Variants in KEL observed in about 807,000 individuals in gnomAD.
KEL encodes kell blood group glycoprotein.
A neutral mutation model predicts 99.5 loss-of-function variants in KEL; 96 were observed. The ratio of observed to expected loss-of-function variants is 0.97; its 90% CI spans 0.82 to 1.14. KEL has a LOEUF of 1.14. Among genes scored for constraint, KEL ranks in the 50% most tolerant of loss-of-function variants. The probability of loss-of-function intolerance (pLI) is 0.00; values close to 1 mark genes in which losing one functional copy is unlikely to be tolerated. For missense variants in KEL, 926 were observed against 924.2 expected (o/e 1.00, Z -0.03); for synonymous variants, 355 against 354.8 (o/e 1.00, Z -0.01).
intron 8 of KEL, 80 bp from the exon 9 acceptor site, chr7:142,954,036 A>G: frequency 6.4e-7 from 1 of 1,570,190 alleles, no homozygotes; most frequent in Non-Finnish European, 8.7e-7. Flanking sequence ...GTGTGAGAAA[A>G]AGAAGAGAAC....
At chr7:142,952,660 A>C (rs758069286) in intron 9 of KEL, 22 bp from the exon 10 acceptor site, 8 of 1,613,588 alleles carry the variant, frequency 5.0e-6, no homozygotes, top group African/African-American at 4.0e-5. Flanking sequence ...AAAGAGACCC[A>C]CACATATACC....
At chr7:142,955,242 A>G (rs1034842049) in intron 6 of KEL, among the ~76,000 whole-genome samples, 3 of 152,234 alleles carry the variant, frequency 2.0e-5, no homozygotes, top group African/African-American at 7.2e-5. Flanking sequence ...CCAAAAATGT[A>G]TGATAAATAA....
intron 10 of KEL, among the ~76,000 whole-genome samples, chr7:142,947,450 G>A (rs929218474): frequency 5.3e-5 from 8 of 152,136 alleles, no homozygotes; most frequent in East Asian, 3.9e-4. Flanking sequence ...AAAAACTCCC[G>A]AACCCACCAG....
intron 6 of KEL, among the ~76,000 whole-genome samples, chr7:142,955,175 T>TA (rs1195957570): frequency 1.3e-5 from 2 of 152,226 alleles, no homozygotes; most frequent in East Asian, 1.9e-4. Context: ...AACTCTTTTT[T>TA]AAAAAAACTC....
chr7:142,961,903 A>G (rs760417106), intron 1 of KEL, 31 bp from the exon 2 acceptor site: 2 of 1,611,308 alleles, frequency 1.2e-6, no homozygotes, highest in South Asian at 2.2e-5. Flanking sequence ...AGGAGGAGAG[A>G]GAAGCTGGTT....
intron 2 of KEL, 146 bp from the exon 3 acceptor site, chr7:142,961,647 T>C: frequency 7.6e-7 from 1 of 1,318,056 alleles, no homozygotes; most frequent in Non-Finnish European, 1.1e-6. Context: ...CCAGCCCTAC[T>C]TTAACTCCTG....
intron 14 of KEL, 61 bp downstream of exon 14, chr7:142,943,722 C>A: frequency 6.5e-7 from 1 of 1,544,028 alleles, no homozygotes; most frequent in Non-Finnish European, 8.9e-7. Flanking sequence ...GGCTTCCTTT[C>A]CTGTGAATCA....
At chr7:142,954,413 T>C (rs775003380) in intron 7 of KEL, 41 bp from the exon 8 acceptor site, 2 of 1,612,426 alleles carry the variant, frequency 1.2e-6, no homozygotes, top group Non-Finnish European at 1.7e-6. Flanking sequence ...CAGAGGTCCC[T>C]GCTTTTCTCC....
At chr7:142,942,367 T>G in intron 18 of KEL, 67 bp downstream of exon 18, 755 of 1,092,698 alleles carry the variant, frequency 6.9e-4, no homozygotes, top group Non-Finnish European at 9.7e-4. Flanking sequence ...GGGACTTCCA[T>G]GAGCTTCAGT....
In KEL at chr7:142,944,374, C is replaced by T. The variant is rs1562957623; in HGVS notation, c.1440G>A (p.Gly480=). ...CTGGCTTCAGGGCCCATTCTGAAGC[C>T]CCCATCTCCACCTGCAGTTGAGCAA... is the stretch of plus-strand genomic sequence containing the variant. ...DKVAQLQVEM[G]ASEWALKPEL... The change falls in exon 13 of 19, where the codon GGG becomes GGA. Residue 480 remains glycine, a synonymous_variant. Coordinates refer to ENST00000355265, the MANE Select transcript of KEL (RefSeq NM_000420.3). 1.2e-6 allele frequency: 2 copies of T among 1,614,008 alleles called. No homozygotes were observed. Among genetic ancestry groups the T allele is most frequent in the Admixed American group, 1.7e-5 (1 of 60,026 alleles).
chr7:142,943,869 C>T lies in KEL; in HGVS notation c.1506G>A (p.Ser502=), dbSNP rs267601356. 26 of 1,613,994 alleles carry T rather than the reference C, an allele frequency of 1.6e-5. No individual in the cohort carries two copies. In the Admixed American group the frequency reaches 1.7e-4, roughly 10 times the overall value. ...RQEYNDIQLG[S]SFLQSVLSCV... is the part of the protein sequence containing the mutation. ...AGCTCAGGACAGACTGCAGGAAGCT[C>T]GATCCAAGCTGTATCTGGGGAAGAG... Residue 502 remains serine (S), a synonymous_variant, in exon 14 of 19, where the codon TCG becomes TCA. Transcript: ENST00000355265.
intron 6 of KEL, among the ~76,000 whole-genome samples, chr7:142,954,837 G>A (rs1175082194): frequency 2.6e-5 from 4 of 152,148 alleles, no homozygotes; most frequent in African/African-American, 9.7e-5. Flanking sequence ...GCCAGGGTGA[G>A]TGAGGTGAGG....
In KEL at chr7:142,953,972, C is replaced by A. The variant is rs777979083; in HGVS notation, c.925-16G>T. 2 of 1,612,608 alleles carry A rather than the reference C, an allele frequency of 1.2e-6. No individual in the cohort carries two copies. Among genetic ancestry groups the A allele is most frequent in the South Asian group, 2.2e-5 (2 of 91,068 alleles). ...GGGCCATTTCCTTAGAGGAGGGACACAAAGCTGAGGGGGAAAAGGAAAAGA... is the reference window on the plus strand; with the variant it reads ...GGGCCATTTCCTTAGAGGAGGGACAAAAAGCTGAGGGGGAAAAGGAAAAGA... On this transcript the variant is annotated splice_polypyrimidine_tract_variant and intron_variant, in intron 8 of 18. Transcript: ENST00000355265.
Position 142,954,320 on chromosome 7 carries a change from C to G in KEL, c.788G>C (p.Gly263Ala), listed in dbSNP as rs775889759. Reference protein sequence around the residue: ...YLNQLGTLLGGDPSKVQEHSS... With the variant: ...YLNQLGTLLGADPSKVQEHSS... The stretch of plus-strand genomic sequence containing the variant: ...GTGTTCTTGCACCTTGCTTGGGTCT[C>G]CTCCCAGCAAGGTTCCCAGCTGATT... The change falls in exon 8 of 19, where the codon GGA (glycine) becomes GCA (alanine). Residue 263 changes from glycine (G) to alanine (A), a missense_variant. Physicochemically the swap from Gly to Ala is moderately conservative, Grantham distance 60. Coordinates refer to ENST00000355265, the MANE Select transcript of KEL (RefSeq NM_000420.3). 6.8e-6 allele frequency: 11 copies of G among 1,614,044 alleles called. No individual in the cohort carries two copies. The highest frequency in any genetic ancestry group is 1.3e-5 in the African/African-American group (1 of 75,004).
rs8175992 is a variant in KEL, at chr7:142,954,568, G to A, written c.673-41C>T. 1,290 of 1,576,964 alleles carry A rather than the reference G, an allele frequency of 8.2e-4. 12 individuals are homozygous for A. In the African/African-American group the frequency reaches 0.015, roughly 19 times the overall value. ...ACTGGAGAGAAGCAGGGAGCATGGC[G>A]GATGGAGAGGGCAGGTGTGGGGAGG... On this transcript the variant is annotated intron_variant, in intron 6 of 18. Coordinates refer to ENST00000355265, the MANE Select transcript of KEL (RefSeq NM_000420.3).
At chr7:142,955,844 A>G (rs1056173115) in intron 6 of KEL, among the ~76,000 whole-genome samples, 1 of 152,098 alleles carries the variant, frequency 6.6e-6, no homozygotes, top group Non-Finnish European at 1.5e-5. Flanking sequence ...CTTCCTCCTA[A>G]GCTCTGTGCA....
Position 142,960,972 on chromosome 7 carries a change from T to C in KEL, c.356A>G (p.Gln119Arg), listed in dbSNP as rs771583802. The stretch of plus-strand genomic sequence containing the variant: ...GTTTTTGTTCTTTGTGGCAAGCTCC[T>C]GAAAAGAATTATTGGTCTCTTTGGC... ...GRAKETNNSF[Q>R]ELATKNKNRL... Residue 119 changes from glutamine (Q) to arginine (R), a missense_variant, in exon 4 of 19, where the codon CAG (glutamine) becomes CGG (arginine). Transcript: ENST00000355265. The C allele has an allele frequency of 6.2e-7, 1 of 1,614,210 alleles. No homozygotes were observed. Among genetic ancestry groups the C allele is most frequent in the Admixed American group, 1.7e-5 (1 of 60,028 alleles).
At position 142,944,746 on chromosome 7, in the gene KEL, G is replaced by A; in HGVS notation, c.1315-5C>T. The A allele has an allele frequency of 6.2e-7, 1 of 1,609,834 alleles. No individual in the cohort carries two copies. The highest frequency in any genetic ancestry group is 1.3e-5 in the African/African-American group (1 of 74,956). ...CGCAGTGAATAATTTCATGGCCTGTGGGAGTGAGGTCCAGGGACAGGGGGA... is the reference window on the plus strand; with the variant it reads ...CGCAGTGAATAATTTCATGGCCTGTAGGAGTGAGGTCCAGGGACAGGGGGA... On this transcript the variant is annotated splice_polypyrimidine_tract_variant and splice_region_variant and intron_variant, in intron 11 of 18. Transcript: ENST00000355265.
rs1258733558 is a variant in KEL at position 142,961,523 on chromosome 7, G to T, written c.82-22C>A. 1.9e-6 allele frequency: 3 copies of T among 1,579,076 alleles called. No homozygotes were observed. In the Admixed American group the frequency reaches 5.6e-5, roughly 30 times the overall value. ...TGCTCTGTGGGAGGAACCAAGAGGTGAAAGATACAAGATGGGGGTTGAGAG... is the reference window on the plus strand; with the variant it reads ...TGCTCTGTGGGAGGAACCAAGAGGTTAAAGATACAAGATGGGGGTTGAGAG... On this transcript the variant is annotated intron_variant, in intron 2 of 18. Coordinates refer to ENST00000355265, the MANE Select transcript of KEL (RefSeq NM_000420.3).
Sources: gnomAD v4.1 joint callset for allele counts (sites outside exome capture counted in the v4.1 genomes callset) on GRCh38, gnomAD v4.1.1 for gene constraint, MANE v1.5 for transcripts, NCBI Gene and HGNC (gene_info 2026-07-23, HGNC 2026-07-21) for gene names.